The following CC2D2B variants were observed in gnomAD, a reference collection of about 807,000 sequenced individuals.
CC2D2B encodes the protein protein CC2D2B.
A neutral mutation model predicts 161.2 loss-of-function variants in CC2D2B; 128 were observed. That is an observed-to-expected ratio of 0.79 (90% CI 0.69 to 0.92). The LOEUF is 0.92. CC2D2B is among the 40% of genes least tolerant of loss of function. CC2D2B has a pLI of 0.00. For synonymous variants in CC2D2B, 391 were observed against 449.8 expected (o/e 0.87, Z 1.65); for missense variants, 1,173 against 1,375.1 (o/e 0.85, Z 2.32).
chr10:96,031,391 T>C (rs2080061284), intron 34 of CC2D2B, among the ~76,000 whole-genome samples: 3 of 152,212 alleles, frequency 2.0e-5, no homozygotes, highest in Non-Finnish European at 2.9e-5. Flanking sequence ...GGGACCATGT[T>C]CCACAATCCT....
intron 10 of CC2D2B, among the ~76,000 whole-genome samples, chr10:95,951,189 G>A (rs191262834): frequency 8.6e-5 from 13 of 151,518 alleles, no homozygotes; most frequent in African/African-American, 2.9e-4. Context: ...GAGATAAGGT[G>A]TCATTCAGGC....
At chr10:95,971,218 G>A (rs528973842) in intron 15 of CC2D2B, among the ~76,000 whole-genome samples, 5 of 151,920 alleles carry the variant, frequency 3.3e-5, no homozygotes, top group East Asian at 3.9e-4. Flanking sequence ...ATGAAATCCC[G>A]TCTCTACTAA....
chr10:95,907,866 C>T (rs1010870591), upstream of CC2D2B: 1 of 152,340 alleles, frequency 6.6e-6, no homozygotes, highest in South Asian at 2.1e-4. Context: ...GGCGCGTGCT[C>T]CGCTCCCTCT....
At chr10:95,991,201 A>G (rs981529303) in intron 20 of CC2D2B, among the ~76,000 whole-genome samples, 169 bp from the exon 21 acceptor site, 4 of 152,254 alleles carry the variant, frequency 2.6e-5, no homozygotes, top group African/African-American at 9.6e-5. Flanking sequence ...GTTGGAAATT[A>G]CTTTAATAAT....
At chr10:95,907,946 C>G (rs61871075), upstream of CC2D2B, 2,265 of 152,570 alleles carry the variant, frequency 0.015, 35 homozygotes, top group Non-Finnish European at 0.022. Flanking sequence ...CCGCGGGCGC[C>G]GTAGGGCTGG....
chr10:95,991,526 A>G, intron 21 of CC2D2B, 65 bp downstream of exon 21: 1 of 452,802 alleles, frequency 2.2e-6, no homozygotes, highest in Non-Finnish European at 3.5e-6. Flanking sequence ...AAAATCCTCT[A>G]AGTTCTCTAT....
chr10:95,972,635 T>C (rs2077176545), intron 16 of CC2D2B, among the ~76,000 whole-genome samples: 1 of 152,204 alleles, frequency 6.6e-6, no homozygotes, highest in African/African-American at 2.4e-5. Flanking sequence ...CTGTTAAAAA[T>C]GAATTAAATT....
At chr10:95,922,104 A>G (rs1301325691) in intron 3 of CC2D2B, 28 bp downstream of exon 3, 1 of 1,173,288 alleles carries the variant, frequency 8.5e-7, no homozygotes, top group East Asian at 2.6e-5. Flanking sequence ...CATAACTCTG[A>G]TACTCTTCAT....
intron 30 of CC2D2B, chr10:96,018,970 A>T (rs10748656): frequency 0.66 from 217,163 of 329,624 alleles, 73,023 homozygotes; most frequent in East Asian, 0.85. Flanking sequence ...CAGCAAATTA[A>T]AAAAAAAATT....
rs2078651190 is a variant in CC2D2B, at chr10:96,004,224, T to C, written c.2922T>C (p.Asp974=). 3 of 1,502,732 alleles carry C rather than the reference T, an allele frequency of 2.0e-6. No individual in the cohort carries two copies. The highest frequency in any genetic ancestry group is 4.8e-5 in the East Asian group (2 of 41,536). The allele number at this position is 1,502,732 out of a possible 1,614,324, so 93.1% of individuals were successfully genotyped here. A position where few individuals can be genotyped will look rare whatever the true frequency, so the allele number is the denominator to read the frequency against. ...IKDNIYINIF[D]EMMTEKHEDH... ...ATAACATATATATCAACATTTTTGA[T>C]GAAATGATGACTGAAAAACATGAGG... is the stretch of plus-strand genomic sequence containing the variant. Residue 974 remains aspartate (D), a synonymous_variant, in exon 25 of 35, where the codon GAT becomes GAC. Transcript: ENST00000646931.
intron 9 of CC2D2B, among the ~76,000 whole-genome samples, chr10:95,944,956 A>G (rs568651095): frequency 2.0e-5 from 3 of 152,238 alleles, no homozygotes; most frequent in Non-Finnish European, 4.4e-5. Context: ...GACCTATAAA[A>G]GGCAATTAGG....
At chr10:95,916,358 GT>G (rs1490401662) in intron 2 of CC2D2B, among the ~76,000 whole-genome samples, 1 of 151,648 alleles carries the variant, frequency 6.6e-6, no homozygotes, top group Non-Finnish European at 1.5e-5. Context: ...ACAACTTTTT[GT>G]TTCATTGGTG....
At chr10:95,922,621 C>T (rs888485882) in intron 3 of CC2D2B, among the ~76,000 whole-genome samples, 2 of 152,156 alleles carry the variant, frequency 1.3e-5, no homozygotes, top group Non-Finnish European at 2.9e-5. Context: ...TTCTATGTAA[C>T]CTTTAAGCAC....
intron 4 of CC2D2B, 23 bp from the exon 5 acceptor site, chr10:95,924,756 G>A: frequency 1.4e-6 from 2 of 1,458,452 alleles, no homozygotes; most frequent in Non-Finnish European, 1.9e-6. Flanking sequence ...TTTCTGTAAA[G>A]ATTTATTTAT....
chr10:96,032,170 CCT>C lies in CC2D2B; in HGVS notation c.*163_*164del. 1 of 580,556 alleles carries C rather than the reference CCT, an allele frequency of 1.7e-6. No homozygotes were observed. The highest frequency in any genetic ancestry group is 2.3e-5 in the South Asian group (1 of 43,316). 36.0% of individuals were successfully genotyped at this position (580,556 alleles called of 1,614,324 possible). On this transcript the variant is annotated 3_prime_UTR_variant, in exon 35 of 35. Coordinates refer to ENST00000646931, the MANE Select transcript of CC2D2B (RefSeq NM_001349008.3). ...GCTGGGCACTATGGAGACTCGCACC[CCT>C]GAGTGAGTCTTTGAGGAGGAGTCTA...
chr10:95,996,185 G>T lies in CC2D2B; in HGVS notation c.2782G>T (p.Val928Leu). Residue 928 changes from valine (V) to leucine (L), a missense_variant, in exon 24 of 35, where the codon GTA becomes TTA. Physicochemically the swap from Val to Leu is conservative, Grantham distance 32 (BLOSUM62 1). Around this residue, in one of 3 missense-constraint regions of CC2D2B, gnomAD observed 598 missense variants for 693.2 expected, o/e 0.86. Transcript: ENST00000646931. ...PFVEVSFQHTVYKTNTASGSH... is the reference protein window; with the variant it reads ...PFVEVSFQHTLYKTNTASGSH... ...CGTGGAAGTTTCTTTCCAGCACACTGTATACAAAACCAATACAGCAAGTGG... is the reference window on the plus strand; with the variant it reads ...CGTGGAAGTTTCTTTCCAGCACACTTTATACAAAACCAATACAGCAAGTGG... 6.6e-7 allele frequency: 1 copy of T among 1,517,462 alleles called. No homozygotes were observed. The highest frequency in any genetic ancestry group is 8.8e-7 in the Non-Finnish European group (1 of 1,134,474). 94.0% of individuals were successfully genotyped at this position (1,517,462 alleles called of 1,614,324 possible).
At chr10:95,959,505 C>T (rs2076691539) in intron 11 of CC2D2B, among the ~76,000 whole-genome samples, 1 of 152,134 alleles carries the variant, frequency 6.6e-6, no homozygotes. Context: ...ATTTTCAGCT[C>T]GTTTAATGAG....
At chr10:96,008,623 C>T (rs777164784) in intron 25 of CC2D2B, among the ~76,000 whole-genome samples, 1 of 152,218 alleles carries the variant, frequency 6.6e-6, no homozygotes, top group South Asian at 2.1e-4. Context: ...CATTGTAGCT[C>T]TAATTTGCAT....
At chr10:95,958,018 C>A (rs2076632436) in intron 11 of CC2D2B, among the ~76,000 whole-genome samples, 1 of 149,242 alleles carries the variant, frequency 6.7e-6, no homozygotes. Flanking sequence ...AAAGTATGGC[C>A]AACTCAAAGG....
Sources: allele counts gnomAD v4.1 joint callset (sites outside exome capture counted in the v4.1 genomes callset), GRCh38; gene constraint gnomAD v4.1.1; regional missense constraint gnomAD v4.1.1; transcripts MANE v1.5; gene names NCBI Gene and HGNC (gene_info 2026-07-23, HGNC 2026-07-21).